DOK6: variants seen among roughly 807,000 people sequenced by gnomAD.
DOK6 encodes docking protein 6.
In DOK6, 22 loss-of-function variants were observed where a neutral mutation model predicts 44.0. The observed-to-expected ratio is 0.50, with a 90% CI of 0.36 to 0.71. DOK6 has a LOEUF of 0.71. Among genes scored for constraint, DOK6 ranks in the 30% least tolerant of loss-of-function variants. The pLI is 0.00. For missense variants in DOK6, 340 were observed against 416.4 expected (o/e 0.82, Z 1.60); for synonymous variants, 166 against 145.5 (o/e 1.14, Z -1.01).
chr18:69,575,787 AT>A lies in DOK6; in HGVS notation c.174+11199del, dbSNP rs562892367. On this transcript the variant is annotated intron_variant, in intron 2 of 7. Transcript: ENST00000382713. The stretch of plus-strand genomic sequence containing the variant: ...TTTAACAAAGAGAAAATTGTTTAAA[AT>A]TTTTTATATTTACAAAGGAGAAGGA... 8.2e-3 allele frequency among the ~76,000 whole-genome samples: 1,255 copies of A among 152,186 alleles called. 21 individuals are homozygous for A. The highest frequency in any genetic ancestry group is 0.028 in the African/African-American group (1,184 of 41,552).
chr18:69,537,781 T>C (rs1283123557), intron 1 of DOK6, among the ~76,000 whole-genome samples: 1 of 152,230 alleles, frequency 6.6e-6, no homozygotes, highest in Admixed American at 6.5e-5. Flanking sequence ...AAAATTCCAG[T>C]AAAATCTCTT....
At chr18:69,553,233 G>T (rs1166730782) in intron 1 of DOK6, among the ~76,000 whole-genome samples, 1 of 152,150 alleles carries the variant, frequency 6.6e-6, no homozygotes, top group Non-Finnish European at 1.5e-5. Flanking sequence ...ATCGACTGGA[G>T]AACAAAGTCA....
chr18:69,439,174 C>G lies in DOK6; in HGVS notation c.66+37864C>G, dbSNP rs1979068543. On this transcript the variant is annotated intron_variant, in intron 1 of 7. Coordinates refer to ENST00000382713, the MANE Select transcript of DOK6 (RefSeq NM_152721.6). ...AATATTTCAAAAGGAATCTCTTTTT[C>G]TAAGCAGTAGGTCTCAACATTAGGC... 2.0e-5 allele frequency among the ~76,000 whole-genome samples: 3 copies of G among 151,232 alleles called. No homozygotes were observed. In the South Asian group the frequency reaches 6.3e-4, roughly 32 times the overall value.
chr18:69,414,581 T>A (rs75567031), intron 1 of DOK6, among the ~76,000 whole-genome samples: 1 of 151,992 alleles, frequency 6.6e-6, no homozygotes, highest in African/African-American at 2.4e-5. Flanking sequence ...AAAGAGGGTA[T>A]GGGGTTTGTG....
intron 2 of DOK6, among the ~76,000 whole-genome samples, chr18:69,580,950 A>G (rs1182545676): frequency 6.6e-6 from 1 of 152,094 alleles, no homozygotes; most frequent in Non-Finnish European, 1.5e-5. Context: ...TACCTATCTT[A>G]TTTCACTTAA....
chr18:69,800,175 AC>A (rs1980861688), intron 7 of DOK6, among the ~76,000 whole-genome samples: 1 of 152,058 alleles, frequency 6.6e-6, no homozygotes, highest in Non-Finnish European at 1.5e-5. Flanking sequence ...ATATAAAGCC[AC>A]TAATCTATGG....
intron 1 of DOK6, among the ~76,000 whole-genome samples, chr18:69,466,674 A>T (rs990180411): frequency 1.2e-4 from 18 of 152,100 alleles, no homozygotes; most frequent in African/African-American, 4.1e-4. Context: ...GCTGTATGAG[A>T]TCATAAGGGA....
chr18:69,434,390 C>T (rs1292836181), intron 1 of DOK6, among the ~76,000 whole-genome samples: 4 of 152,088 alleles, frequency 2.6e-5, no homozygotes, highest in Non-Finnish European at 5.9e-5. Flanking sequence ...TGATGAGTCT[C>T]AAAAAATAAA....
chr18:69,612,407 G>T (rs1298809169), intron 3 of DOK6, among the ~76,000 whole-genome samples: 1 of 146,596 alleles, frequency 6.8e-6, no homozygotes, highest in South Asian at 2.2e-4. Flanking sequence ...CTTTGTGTGC[G>T]AGGGCGCATG....
At chr18:69,449,329 AT>A (rs1368362952) in intron 1 of DOK6, among the ~76,000 whole-genome samples, 2 of 152,234 alleles carry the variant, frequency 1.3e-5, no homozygotes, top group East Asian at 3.8e-4. Flanking sequence ...GTGATCTAAT[AT>A]GCAGAATTGA....
intron 5 of DOK6, among the ~76,000 whole-genome samples, chr18:69,734,027 G>C (rs1361501264): frequency 2.0e-5 from 3 of 152,012 alleles, no homozygotes; most frequent in Non-Finnish European, 4.4e-5. Flanking sequence ...ATCCTCGCTT[G>C]AAATCCCTTC....
intron 3 of DOK6, among the ~76,000 whole-genome samples, chr18:69,632,891 A>C (rs1984721147): frequency 6.6e-6 from 1 of 152,186 alleles, no homozygotes; most frequent in Non-Finnish European, 1.5e-5. Context: ...TGTTGCCATC[A>C]CTTGTAAGAC....
chr18:69,507,884 A>C lies in DOK6; in HGVS notation c.67-56603A>C, dbSNP rs141905017. Among the ~76,000 whole-genome samples the C allele has an allele frequency of 5.3e-3, 809 of 152,164 alleles. 8 individuals are homozygous for C. The highest frequency in any genetic ancestry group is 0.018 in the African/African-American group (742 of 41,530). On this transcript the variant is annotated intron_variant, in intron 1 of 7. Coordinates refer to ENST00000382713, the MANE Select transcript of DOK6 (RefSeq NM_152721.6). ...CTTGTTGCACTGACTGGATGCAGTCAGTGCAACTCATGGATGATGTTGAAG... is the reference window on the plus strand; with the variant it reads ...CTTGTTGCACTGACTGGATGCAGTCCGTGCAACTCATGGATGATGTTGAAG...
chr18:69,760,508 A>G (rs1305560068), intron 7 of DOK6, among the ~76,000 whole-genome samples: 1 of 152,050 alleles, frequency 6.6e-6, no homozygotes, highest in Non-Finnish European at 1.5e-5. Context: ...AGGCGCCTTG[A>G]GAAACCAAGA....
At chr18:69,545,113 C>T (rs1555711859) in intron 1 of DOK6, among the ~76,000 whole-genome samples, 2 of 42,538 alleles carry the variant, frequency 4.7e-5, no homozygotes, top group Non-Finnish European at 5.9e-5. Context: ...GAGCGAGACA[C>T]CATAAAAAAA....
intron 5 of DOK6, among the ~76,000 whole-genome samples, chr18:69,719,125 T>C (rs1457928033): frequency 2.0e-5 from 3 of 152,188 alleles, no homozygotes; most frequent in Non-Finnish European, 4.4e-5. Flanking sequence ...AGTTTAATTA[T>C]TGCAAATCAG....
At chr18:69,584,315 C>A (rs1186264107) in intron 2 of DOK6, among the ~76,000 whole-genome samples, 2 of 151,782 alleles carry the variant, frequency 1.3e-5, no homozygotes, top group African/African-American at 4.8e-5. Flanking sequence ...GAGATAGAGT[C>A]TCACGCTGTC....
chr18:69,703,120 A>G (rs1344666151), intron 5 of DOK6, among the ~76,000 whole-genome samples: 1 of 152,132 alleles, frequency 6.6e-6, no homozygotes, highest in Non-Finnish European at 1.5e-5. Context: ...CAGAAGGAAA[A>G]GGCACTAGGT....
intron 1 of DOK6, among the ~76,000 whole-genome samples, chr18:69,472,074 C>A (rs1166295068): frequency 6.6e-6 from 1 of 152,114 alleles, no homozygotes. Context: ...CCAAACAACT[C>A]TTTAGTTAGG....
Sources: allele counts gnomAD v4.1 joint callset (sites outside exome capture counted in the v4.1 genomes callset), GRCh38; gene constraint gnomAD v4.1.1; transcripts MANE v1.5; gene names NCBI Gene and HGNC (gene_info 2026-07-23, HGNC 2026-07-21).